The following DMD variants were observed in gnomAD, a reference collection of about 807,000 sequenced individuals.
DMD encodes the protein dystrophin.
Under a neutral mutation model 330.1 loss-of-function variants are expected in DMD, and 63 were observed. The ratio of observed to expected loss-of-function variants is 0.19; its 90% confidence interval spans 0.16 to 0.24. DMD has a LOEUF of 0.24. DMD is among the 10% of genes least tolerant of loss of function. The pLI, the probability that DMD is intolerant of heterozygous loss-of-function variation, is 1.00. For missense variants in DMD, 3,344 were observed against 2,684.1 expected, an observed-to-expected ratio of 1.25 and a Z score of -5.43; for synonymous variants, 1,223 against 959.8, an observed-to-expected ratio of 1.27 and a Z score of -5.07.
At chrX:32,106,370 G>C (rs1047086998) in intron 44 of DMD, among the ~76,000 whole-genome samples, 2 of 111,772 alleles carry the variant, frequency 1.8e-5, no homozygotes, top group Non-Finnish European at 3.8e-5. Flanking sequence ...CTCAAGAAAA[G>C]GATAGAAGTC....
In DMD at chrX:31,932,240, G is replaced by T. The variant is rs1398915153; in HGVS notation, c.6615-13C>A. On this transcript the variant is annotated splice_polypyrimidine_tract_variant and intron_variant, in intron 45 of 78. Coordinates refer to ENST00000357033, the MANE Select transcript of DMD (RefSeq NM_004006.3). ...TTGTTCTTCTAGCCTGGAGAAAGAA[G>T]AATAAAATTGTTATTTTTTTTTCCA... 2 of 1,160,044 alleles carry T rather than the reference G, an allele frequency of 1.7e-6. No homozygotes were observed. Among genetic ancestry groups the T allele is most frequent in the Admixed American group, 2.2e-5 (1 of 45,444 alleles).
intron 48 of DMD, among the ~76,000 whole-genome samples, chrX:31,864,648 C>A (rs763509593): frequency 6.6e-4 from 72 of 109,792 alleles, no homozygotes; most frequent in Middle Eastern, 4.7e-3. Flanking sequence ...TGCCACCATG[C>A]CTGGCTAATT....
intron 50 of DMD, among the ~76,000 whole-genome samples, chrX:31,782,562 C>A (rs2091073159): frequency 9.1e-6 from 1 of 109,412 alleles, no homozygotes; most frequent in African/African-American, 3.3e-5. Context: ...CCTCGATGAA[C>A]CAAGCCCCAA....
At chrX:32,156,631 T>TAC (rs747490085) in intron 44 of DMD, among the ~76,000 whole-genome samples, 9,700 of 93,909 alleles carry the variant, frequency 0.1, 656 homozygotes, top group East Asian at 0.29. Flanking sequence ...GACAAAAGGA[T>TAC]ACACACACAC....
chrX:32,761,407 T>C (rs1212079898), intron 7 of DMD, among the ~76,000 whole-genome samples: 2 of 112,188 alleles, frequency 1.8e-5, no homozygotes, highest in Non-Finnish European at 3.8e-5. Context: ...GGACTTTTAA[T>C]CATTACTATT....
chrX:32,426,771 G>C (rs894614557), intron 29 of DMD, among the ~76,000 whole-genome samples: 4 of 111,633 alleles, frequency 3.6e-5, no homozygotes, highest in Non-Finnish European at 7.5e-5. Flanking sequence ...GGAACACTAC[G>C]CAGCCACAAA....
chrX:32,716,673 A>T (rs1767194094), intron 7 of DMD, among the ~76,000 whole-genome samples: 1 of 111,169 alleles, frequency 9.0e-6, no homozygotes, highest in South Asian at 3.9e-4. Context: ...GAAGACAGGA[A>T]GATGAGGGAA....
chrX:32,511,897 G>A (rs1462838113), intron 18 of DMD, among the ~76,000 whole-genome samples: 1 of 111,469 alleles, frequency 9.0e-6, no homozygotes, highest in East Asian at 2.8e-4. Context: ...ATGTTTAGAA[G>A]CCACTACTCG....
intron 2 of DMD, among the ~76,000 whole-genome samples, chrX:32,978,086 A>T (rs974070607): frequency 2.7e-5 from 2 of 72,886 alleles, no homozygotes; most frequent in African/African-American, 1.4e-4. Context: ...AAACAGGAAA[A>T]ACTTTAAGAG....
chrX:32,964,255 CAAA>C (rs781702491), intron 2 of DMD, among the ~76,000 whole-genome samples: 8 of 35,185 alleles, frequency 2.3e-4, no homozygotes, highest in Admixed American at 3.8e-4. Flanking sequence ...GACTCCATCT[CAAA>C]AAAAAAAAAA....
At chrX:31,967,745 G>A (rs778281048) in intron 45 of DMD, among the ~76,000 whole-genome samples, 1 of 111,513 alleles carries the variant, frequency 9.0e-6, no homozygotes, top group African/African-American at 3.3e-5. Context: ...GCAGCAGCAC[G>A]CATTTGGCTT....
intron 12 of DMD, among the ~76,000 whole-genome samples, chrX:32,609,108 G>A (rs1031635378): frequency 1.8e-5 from 2 of 109,702 alleles, no homozygotes; most frequent in Admixed American, 9.7e-5. Flanking sequence ...TGAGCTTTTT[G>A]TTCATATCCT....
chrX:32,036,626 A>C, intron 44 of DMD, among the ~76,000 whole-genome samples: 1 of 111,496 alleles, frequency 9.0e-6, no homozygotes, highest in Non-Finnish European at 1.9e-5. Flanking sequence ...GAGATCTATT[A>C]GACATTTGTG....
intron 11 of DMD, among the ~76,000 whole-genome samples, chrX:32,615,982 T>G (rs1000359285): frequency 3.6e-5 from 4 of 111,377 alleles, no homozygotes; most frequent in Non-Finnish European, 5.7e-5. Context: ...CTTTTGGCTA[T>G]GACAGTTTCT....
chrX:31,155,506 C>G (rs1300804821), intron 74 of DMD, among the ~76,000 whole-genome samples: 1 of 112,267 alleles, frequency 8.9e-6, no homozygotes, highest in Non-Finnish European at 1.9e-5. Flanking sequence ...GCTTTACCCT[C>G]ATATAATATT....
Position 33,314,566 on chromosome X carries a change from T to TG in DMD, c.7+24692_7+24693insC, listed in dbSNP as rs374541537. On this transcript the variant is annotated intron_variant, in intron 1 of 17. Transcript: ENST00000288447. ...ATCCACTGTGCCCAGCCTGTTTTTT[T>TG]TTTGTTTTTTTTTTTTTTTTTATCT... Among the ~76,000 whole-genome samples the TG allele has an allele frequency of 4.6e-3, 303 of 65,596 alleles. 4 individuals carry two copies. The highest frequency in any genetic ancestry group is 0.014 in the African/African-American group (289 of 20,754). 57.0% of individuals were successfully genotyped at this position (65,596 alleles called of 115,157 possible). A position where few individuals can be genotyped will look rare whatever the true frequency, so the allele number is the denominator to read the frequency against.
chrX:31,265,200 TC>T (rs1359306155), intron 62 of DMD, among the ~76,000 whole-genome samples: 5 of 112,582 alleles, frequency 4.4e-5, no homozygotes, highest in Admixed American at 1.9e-4. Flanking sequence ...AGCCCATTGA[TC>T]CACACACACA....
At position 32,448,586 on chromosome X, in the gene DMD, T is replaced by A; in HGVS notation, c.3656A>T (p.Glu1219Val). Residue 1219 changes from glutamate to valine, a missense_variant, in exon 27 of 79, where the codon GAG becomes GTG. Transcript: ENST00000357033. ...TTGAGCTATGACACTATTTACAGAC[T>A]CAGTAAGGAGTTTCACTTTCGCTTC... ...QKEAKVKLLT[E>V]SVNSVIAQAP... 8.3e-7 allele frequency: 1 copy of A among 1,208,339 alleles called. No individual in the cohort carries two copies. Among genetic ancestry groups the A allele is most frequent in the Non-Finnish European group, 1.1e-6 (1 of 893,270 alleles).
intron 54 of DMD, among the ~76,000 whole-genome samples, chrX:31,648,369 G>C (rs2080224639): frequency 9.2e-6 from 1 of 108,990 alleles, no homozygotes; most frequent in South Asian, 4.0e-4. Flanking sequence ...CACAATCTGG[G>C]CTTAGAAACA....
Sources: allele counts gnomAD v4.1 joint callset (sites outside exome capture counted in the v4.1 genomes callset), GRCh38; gene constraint gnomAD v4.1.1; transcripts MANE v1.5; gene names NCBI Gene and HGNC (gene_info 2026-07-23, HGNC 2026-07-21).